The following VPS13A variants were observed in gnomAD, a reference collection of about 807,000 sequenced individuals.
VPS13A encodes the protein vacuolar protein sorting 13 homolog A.
A neutral mutation model predicts 390.9 loss-of-function variants in VPS13A; 264 were observed. The ratio of observed to expected loss-of-function variants is 0.68; its 90% CI spans 0.61 to 0.75. The LOEUF is 0.75. VPS13A is among the 30% of genes least tolerant of loss of function. The pLI, the probability that VPS13A is intolerant of heterozygous loss-of-function variation, is 0.00. For missense variants in VPS13A, 3,409 were observed against 3,733.9 expected (o/e 0.91, Z 2.27); for synonymous variants, 1,231 against 1,227.1 (o/e 1.00, Z -0.07).
chr9:77,291,606 G>A (rs558948178), intron 31 of VPS13A, among the ~76,000 whole-genome samples: 1 of 152,170 alleles, frequency 6.6e-6, no homozygotes, highest in South Asian at 2.1e-4. Flanking sequence ...ATTTTGCTCC[G>A]TGCTGAGCCT....
intron 35 of VPS13A, among the ~76,000 whole-genome samples, chr9:77,310,967 C>T (rs1431816710): frequency 6.6e-6 from 1 of 151,804 alleles, no homozygotes; most frequent in Non-Finnish European, 1.5e-5. Context: ...GCTATGTCAC[C>T]CAGGCTGGAG....
intron 19 of VPS13A, among the ~76,000 whole-genome samples, chr9:77,238,872 TTAAA>T (rs752936165): frequency 1.2e-4 from 19 of 152,238 alleles, no homozygotes; most frequent in Non-Finnish European, 2.1e-4. Flanking sequence ...AACTTTTTAA[TTAAA>T]TAGTTGACCA....
chr9:77,219,909 T>G (rs1371846019), intron 10 of VPS13A, 45 bp from the exon 11 acceptor site: 1 of 1,599,008 alleles, frequency 6.3e-7, no homozygotes, highest in African/African-American at 1.3e-5. Context: ...CCTTGAGACT[T>G]TGGAAATATA....
At chr9:77,319,964 A>G (rs1300907332) in intron 42 of VPS13A, among the ~76,000 whole-genome samples, 2 of 152,072 alleles carry the variant, frequency 1.3e-5, no homozygotes, top group African/African-American at 4.8e-5. Context: ...CCTTGCCCAC[A>G]TGCTTCCTTG....
chr9:77,283,380 T>C lies in VPS13A; in HGVS notation c.3144T>C (p.Asp1048=). The change falls in exon 30 of 72, where the codon GAT becomes GAC. Residue 1048 remains aspartate, a synonymous_variant. Coordinates refer to ENST00000360280, the MANE Select transcript of VPS13A (RefSeq NM_033305.3). ...KLALKLSTNE[D]IITLQILAEL... is the part of the protein sequence containing the mutation. ...CTTTAAAACTATCCACAAATGAAGA[T>C]ATCATTACTTTGCAGATTTTAGCAG... 6.2e-7 allele frequency: 1 copy of C among 1,601,656 alleles called. No individual in the cohort carries two copies. Among genetic ancestry groups the C allele is most frequent in the Non-Finnish European group, 8.5e-7 (1 of 1,169,598 alleles).
intron 68 of VPS13A, among the ~76,000 whole-genome samples, chr9:77,393,570 T>A (rs1173628225): frequency 6.6e-6 from 1 of 152,208 alleles, no homozygotes; most frequent in Non-Finnish European, 1.5e-5. Flanking sequence ...TACTGTTTGA[T>A]CCATGGGGGC....
chr9:77,306,022 G>C (rs1828719169), intron 34 of VPS13A, among the ~76,000 whole-genome samples: 1 of 151,914 alleles, frequency 6.6e-6, no homozygotes, highest in African/African-American at 2.4e-5. Context: ...ACATGGTTTA[G>C]AAGTTGTAAT....
intron 4 of VPS13A, 79 bp from the exon 5 acceptor site, chr9:77,205,899 T>C: frequency 1.7e-6 from 2 of 1,155,336 alleles, no homozygotes; most frequent in Non-Finnish European, 2.5e-6. Context: ...CAATTAATGA[T>C]TATTTGTAAG....
At chr9:77,308,845 A>G (rs1434773835) in intron 35 of VPS13A, among the ~76,000 whole-genome samples, 1 of 152,190 alleles carries the variant, frequency 6.6e-6, no homozygotes, top group East Asian at 1.9e-4. Context: ...GAGGTGTTAC[A>G]CAGCATTTTT....
chr9:77,282,471 T>G (rs1319682024), intron 29 of VPS13A, among the ~76,000 whole-genome samples, 197 bp downstream of exon 29: 1 of 152,160 alleles, frequency 6.6e-6, no homozygotes, highest in Admixed American at 6.5e-5. Flanking sequence ...AAAATGTTGC[T>G]TTTGTTTATC....
chr9:77,394,624 C>T (rs925240608), intron 68 of VPS13A, among the ~76,000 whole-genome samples: 1 of 152,226 alleles, frequency 6.6e-6, no homozygotes, highest in African/African-American at 2.4e-5. Context: ...CAGGCATTTA[C>T]TTCTCTCTAG....
intron 22 of VPS13A, among the ~76,000 whole-genome samples, chr9:77,254,085 A>T (rs1825307827): frequency 6.6e-6 from 1 of 151,354 alleles, no homozygotes; most frequent in Non-Finnish European, 1.5e-5. Context: ...CTGGGACTAC[A>T]GGCGCCCGCC....
chr9:77,244,232 C>G (rs533272769), intron 19 of VPS13A, among the ~76,000 whole-genome samples: 1 of 152,208 alleles, frequency 6.6e-6, no homozygotes, highest in South Asian at 2.1e-4. Context: ...GAGTGAGATG[C>G]TGTCTCCAAA....
At chr9:77,232,056 C>T (rs1022232844) in intron 17 of VPS13A, among the ~76,000 whole-genome samples, 1 of 152,054 alleles carries the variant, frequency 6.6e-6, no homozygotes, top group Non-Finnish European at 1.5e-5. Flanking sequence ...ATCAATTAGC[C>T]ATAGATGTAT....
At chr9:77,188,891 A>C (rs1441986236) in intron 1 of VPS13A, among the ~76,000 whole-genome samples, 1 of 149,710 alleles carries the variant, frequency 6.7e-6, no homozygotes. Flanking sequence ...TTTTTTTTCC[A>C]TGTTTCTTGG....
At chr9:77,235,172 T>C (rs1229807979) in intron 17 of VPS13A, among the ~76,000 whole-genome samples, 1 of 152,214 alleles carries the variant, frequency 6.6e-6, no homozygotes, top group Non-Finnish European at 1.5e-5. Flanking sequence ...CAAATTACTA[T>C]CTAATATCCT....
In VPS13A at chr9:77,247,582, C is replaced by T. The variant is rs75513149; in HGVS notation, c.2037+187C>T. 9.9e-5 allele frequency among the ~76,000 whole-genome samples: 15 copies of T among 152,266 alleles called. No individual in the cohort carries two copies. In the East Asian group the frequency reaches 2.5e-3, roughly 25 times the overall value. ...GTCTCAATTAGGTAGTTTTCCTACA[C>T]TTATGAAAGCAAAATGACCAATTAA... On this transcript the variant is annotated intron_variant, in intron 20 of 71. Coordinates refer to ENST00000360280, the MANE Select transcript of VPS13A (RefSeq NM_033305.3).
chr9:77,371,753 C>T (rs930950695), intron 67 of VPS13A, among the ~76,000 whole-genome samples: 26 of 149,588 alleles, frequency 1.7e-4, no homozygotes, highest in Middle Eastern at 3.4e-3. Context: ...GTGCGCTGCA[C>T]CCACTAACTC....
rs746604299 is a variant in VPS13A at position 77,357,782 on chromosome 9, G to A, written c.7897G>A (p.Glu2633Lys). 59 of 1,613,554 alleles carry A rather than the reference G, an allele frequency of 3.7e-5. No homozygotes were observed. The highest frequency in any genetic ancestry group is 4.9e-5 in the Non-Finnish European group (58 of 1,179,862). Residue 2633 changes from glutamate to lysine, a missense_variant, in exon 56 of 72, where the codon GAA (glutamate) becomes AAA (lysine). By Grantham distance (56) the Glu-to-Lys change is moderately conservative. Coordinates refer to ENST00000360280, the MANE Select transcript of VPS13A (RefSeq NM_033305.3). Reference protein sequence around the residue: ...RRNYLPALKVEYNTSAHQSSF... With the variant: ...RRNYLPALKVKYNTSAHQSSF... ...AAATTATCTTCCAGCATTAAAAGTG[G>A]AATATAACACATCTGCACATCAATC...
Sources: allele counts gnomAD v4.1 joint callset (sites outside exome capture counted in the v4.1 genomes callset), GRCh38; gene constraint gnomAD v4.1.1; transcripts MANE v1.5; gene names NCBI Gene and HGNC (gene_info 2026-07-23, HGNC 2026-07-21).